Variants in FAM185A observed in about 807,000 individuals in gnomAD.
FAM185A encodes the protein family with sequence similarity 185 member A.
A neutral mutation model predicts 45.7 loss-of-function variants in FAM185A; 21 were observed. The ratio of observed to expected loss-of-function variants is 0.46; its 90% CI spans 0.33 to 0.66. The LOEUF (loss-of-function observed/expected upper bound fraction) is 0.66. FAM185A is among the 30% of genes least tolerant of loss of function. The pLI is 0.03. For synonymous variants in FAM185A, 117 were observed against 194.0 expected (o/e 0.60, Z 3.30); for missense variants, 305 against 485.4 (o/e 0.63, Z 3.49).
intron 6 of FAM185A, among the ~76,000 whole-genome samples, chr7:102,786,675 T>C (rs922109654): frequency 2.0e-5 from 3 of 152,002 alleles, no homozygotes; most frequent in African/African-American, 7.3e-5. Context: ...CCGGGGCCTG[T>C]TGTGGGGTCA....
At chr7:102,759,007 T>A (rs1283981309) in intron 3 of FAM185A, among the ~76,000 whole-genome samples, 3 of 152,148 alleles carry the variant, frequency 2.0e-5, no homozygotes, top group African/African-American at 7.2e-5. Flanking sequence ...TGGGAGGTTG[T>A]TTAAACCTAA....
At chr7:102,788,301 A>G (rs1179884250) in intron 7 of FAM185A, among the ~76,000 whole-genome samples, 1 of 152,190 alleles carries the variant, frequency 6.6e-6, no homozygotes, top group Admixed American at 6.5e-5. Flanking sequence ...AAAAAAATTA[A>G]TGCTGGTGAA....
the FAM185A span, among the ~76,000 whole-genome samples, chr7:102,826,116 T>C: frequency 6.6e-6 from 1 of 152,334 alleles, no homozygotes; most frequent in African/African-American, 2.4e-5. Flanking sequence ...TGCTGAATTA[T>C]ACTTTTGTTT....
At chr7:102,819,151 T>G in the FAM185A span, among the ~76,000 whole-genome samples, 1 of 152,176 alleles carries the variant, frequency 6.6e-6, no homozygotes, top group African/African-American at 2.4e-5. Context: ...GTGGGGGCCA[T>G]TGTGAGGGTC....
chr7:102,818,978 G>A, the FAM185A span, among the ~76,000 whole-genome samples: 78 of 151,594 alleles, frequency 5.1e-4, no homozygotes, highest in Non-Finnish European at 4.4e-5. Flanking sequence ...ACAGGCCCCA[G>A]TGTGTGTTGT....
chr7:102,832,733 A>G, the FAM185A span: 5 of 1,317,682 alleles, frequency 3.8e-6, no homozygotes, highest in Admixed American at 2.7e-5. Context: ...GAATACCTCA[A>G]CCATGGCAAA....
chr7:102,846,929 C>G, the FAM185A span, among the ~76,000 whole-genome samples: 11 of 152,168 alleles, frequency 7.2e-5, no homozygotes, highest in South Asian at 2.1e-3. Flanking sequence ...TGTAGTTCTT[C>G]TGTATGGCCT....
chr7:102,825,254 G>A, the FAM185A span, among the ~76,000 whole-genome samples: 1 of 152,110 alleles, frequency 6.6e-6, no homozygotes, highest in South Asian at 2.1e-4. Flanking sequence ...TGAGAGGTGG[G>A]GCCCTTAAGA....
At chr7:102,820,204 A>G in the FAM185A span, among the ~76,000 whole-genome samples, 1 of 152,214 alleles carries the variant, frequency 6.6e-6, no homozygotes, top group Non-Finnish European at 1.5e-5. Context: ...CAGGGAGACT[A>G]AAAGGTAGTG....
chr7:102,782,034 C>A (rs1795443966), intron 6 of FAM185A, among the ~76,000 whole-genome samples: 1 of 152,038 alleles, frequency 6.6e-6, no homozygotes, highest in African/African-American at 2.4e-5. Flanking sequence ...CTGATTCGAT[C>A]AACTGGAAGA....
chr7:102,843,855 G>A, the FAM185A span, among the ~76,000 whole-genome samples: 2 of 152,136 alleles, frequency 1.3e-5, no homozygotes, highest in African/African-American at 2.4e-5. Context: ...CAAAAAAGAC[G>A]GGGCCTGAAG....
Position 102,764,038 on chromosome 7 carries a change from G to C in FAM185A, c.793+2627G>C, listed in dbSNP as rs535635933. Among the ~76,000 whole-genome samples the C allele has an allele frequency of 2.6e-3, 391 of 152,316 alleles. 4 individuals carry two copies. The highest frequency in any genetic ancestry group is 4.4e-3 in the Non-Finnish European group (296 of 68,036). ...TGCCTCAATGCAAAGAACTCTTTTA[G>C]ATGTTTCTCACAGCTTCTTTGTGTA... On this transcript the variant is annotated intron_variant, in intron 4 of 7. Transcript: ENST00000413034.
chr7:102,759,781 A>G (rs1463386355), intron 3 of FAM185A, among the ~76,000 whole-genome samples: 2 of 152,102 alleles, frequency 1.3e-5, no homozygotes, highest in African/African-American at 4.8e-5. Context: ...GAGTTAATAC[A>G]GGTAAAATAC....
At chr7:102,839,684 G>T in the FAM185A span, among the ~76,000 whole-genome samples, 1 of 152,096 alleles carries the variant, frequency 6.6e-6, no homozygotes, top group Admixed American at 6.5e-5. Context: ...TGACCTCAGG[G>T]ATCCGCCTGC....
At chr7:102,842,149 T>C in the FAM185A span, among the ~76,000 whole-genome samples, 1 of 152,200 alleles carries the variant, frequency 6.6e-6, no homozygotes, top group Non-Finnish European at 1.5e-5. Flanking sequence ...GTCCGGACGT[T>C]CCACCTCCCC....
intron 6 of FAM185A, among the ~76,000 whole-genome samples, chr7:102,780,772 G>C (rs1382055421): frequency 6.6e-6 from 1 of 152,230 alleles, no homozygotes; most frequent in Non-Finnish European, 1.5e-5. Context: ...TTCCCACTGA[G>C]GTACCAGGTT....
intron 5 of FAM185A, among the ~76,000 whole-genome samples, chr7:102,775,080 A>G (rs933046400): frequency 1.1e-4 from 16 of 152,138 alleles, no homozygotes; most frequent in Non-Finnish European, 2.1e-4. Context: ...TAAGGTATAC[A>G]TGCAATATAA....
the FAM185A span, among the ~76,000 whole-genome samples, chr7:102,845,350 A>AT: frequency 3.3e-5 from 5 of 152,124 alleles, no homozygotes; most frequent in Non-Finnish European, 5.9e-5. Context: ...AAAGATACCT[A>AT]TTACCCCTAT....
At chr7:102,799,534 G>A (rs1161321732) in intron 7 of FAM185A, among the ~76,000 whole-genome samples, 1 of 152,248 alleles carries the variant, frequency 6.6e-6, no homozygotes, top group Non-Finnish European at 1.5e-5. Context: ...GGGAAAAACT[G>A]TACTGAGGAA....
Sources: gnomAD v4.1 joint callset for allele counts (sites outside exome capture counted in the v4.1 genomes callset) on GRCh38, gnomAD v4.1.1 for gene constraint, MANE v1.5 for transcripts, NCBI Gene and HGNC (gene_info 2026-07-23, HGNC 2026-07-21) for gene names.